The following DDAH1 variants were observed in gnomAD, a reference collection of about 807,000 sequenced individuals.
DDAH1 encodes dimethylarginine dimethylaminohydrolase 1, also known as N(G),N(G)-dimethylarginine dimethylaminohydrolase 1.
Under a neutral mutation model 28.8 loss-of-function variants are expected in DDAH1, and 19 were observed. The ratio of observed to expected loss-of-function variants is 0.66; its 90% CI spans 0.46 to 0.97. The LOEUF is 0.97. DDAH1 is among the 50% of genes least tolerant of loss of function. DDAH1 has a pLI of 0.00. For missense variants in DDAH1, 326 were observed against 375.9 expected (o/e 0.87, Z 1.10); for synonymous variants, 153 against 154.4 (o/e 0.99, Z 0.07).
intron 1 of DDAH1, among the ~76,000 whole-genome samples, chr1:85,439,548 A>G (rs1453337820): frequency 2.0e-5 from 3 of 152,248 alleles, no homozygotes; most frequent in Non-Finnish European, 2.9e-5. Flanking sequence ...TACACTATAC[A>G]TGACACTCTT....
intron 1 of DDAH1, among the ~76,000 whole-genome samples, chr1:85,505,263 G>A (rs765576798): frequency 3.8e-4 from 57 of 151,850 alleles, no homozygotes; most frequent in Non-Finnish European, 4.0e-4. Context: ...TATGATAACC[G>A]TATTATCTTT....
At chr1:85,344,170 T>G (rs1368383889) in intron 4 of DDAH1, among the ~76,000 whole-genome samples, 1 of 152,224 alleles carries the variant, frequency 6.6e-6, no homozygotes, top group Admixed American at 6.5e-5. Context: ...AGTGGTGATC[T>G]CATAATTCTT....
At position 85,487,554 on chromosome 1, in the gene DDAH1, A is replaced by C. The variant is rs1362639819; in HGVS notation, c.-7+8612T>G. On this transcript the variant is annotated intron_variant, in intron 2 of 6. Coordinates refer to the DDAH1 transcript ENST00000426972. ...AATATAATCTTATTTTTCCAAATGA[A>C]ATGTTTTTGTTATTAAATGTTTTTG... 2.3e-4 allele frequency among the ~76,000 whole-genome samples: 35 copies of C among 152,234 alleles called. 1 individual carries two copies. Among genetic ancestry groups the C allele is most frequent in the Non-Finnish European group, 1.5e-5 (1 of 68,044 alleles).
chr1:85,506,548 TC>T (rs1409467194), intron 1 of DDAH1, among the ~76,000 whole-genome samples: 1 of 152,184 alleles, frequency 6.6e-6, no homozygotes, highest in African/African-American at 2.4e-5. Flanking sequence ...GGGCTCCTGA[TC>T]CCCAGTCCAC....
At chr1:85,463,826 G>T (rs1032401060) in intron 1 of DDAH1, among the ~76,000 whole-genome samples, 1 of 152,128 alleles carries the variant, frequency 6.6e-6, no homozygotes, top group Non-Finnish European at 1.5e-5. Context: ...CTTGAGCCTG[G>T]GCTCTTAACT....
chr1:85,507,176 T>C (rs1657045814), intron 1 of DDAH1, among the ~76,000 whole-genome samples: 1 of 152,082 alleles, frequency 6.6e-6, no homozygotes, highest in Non-Finnish European at 1.5e-5. Flanking sequence ...GTTGAAATCA[T>C]TACACCTCAC....
chr1:85,464,032 T>C lies in DDAH1; in HGVS notation c.303+711A>G, dbSNP rs1427919558. Among the ~76,000 whole-genome samples, 1 of 152,210 alleles carries C rather than the reference T, an allele frequency of 6.6e-6. No individual in the cohort carries two copies. Among genetic ancestry groups the C allele is most frequent in the African/African-American group, 2.4e-5 (1 of 41,458 alleles). On this transcript the variant is annotated intron_variant, in intron 1 of 5. Transcript: ENST00000284031. This position sits in a 1 kb window ranked among gnomAD's most constrained non-coding sequence, Gnocchi z 4.4. Reference sequence around the variant, plus strand: ...GTTTAAAAATATAGAGAATAAAAATTATGGAATTTGTGAAACAACCATCTC... The same window carrying C: ...GTTTAAAAATATAGAGAATAAAAATCATGGAATTTGTGAAACAACCATCTC...
chr1:85,572,434 G>A (rs1157107861), intron 1 of DDAH1, among the ~76,000 whole-genome samples: 1 of 152,174 alleles, frequency 6.6e-6, no homozygotes, highest in Non-Finnish European at 1.5e-5. Context: ...AATGGTCTTT[G>A]AAACAGGTAT....
At chr1:85,565,788 G>T (rs1205393172) in intron 1 of DDAH1, among the ~76,000 whole-genome samples, 1 of 152,046 alleles carries the variant, frequency 6.6e-6, no homozygotes, top group Non-Finnish European at 1.5e-5. Flanking sequence ...GATGTTTAAG[G>T]CCAAAATATT....
At chr1:85,525,634 C>G (rs1271712721) in intron 1 of DDAH1, among the ~76,000 whole-genome samples, 1 of 150,680 alleles carries the variant, frequency 6.6e-6, no homozygotes, top group Non-Finnish European at 1.5e-5. Flanking sequence ...TCAGGAGGCT[C>G]TTACATCTGC....
intron 1 of DDAH1, among the ~76,000 whole-genome samples, chr1:85,423,719 T>A (rs1417311105): frequency 1.3e-5 from 2 of 152,204 alleles, no homozygotes; most frequent in African/African-American, 2.4e-5. Flanking sequence ...GATTTTCTTA[T>A]GGAGACAATC....
At chr1:85,324,300 A>AAT (rs1406146782) in intron 5 of DDAH1, among the ~76,000 whole-genome samples, 4 of 146,420 alleles carry the variant, frequency 2.7e-5, no homozygotes, top group African/African-American at 7.5e-5. Flanking sequence ...TAATAATAAT[A>AAT]AATAAAAAAA....
Position 85,544,370 on chromosome 1 carries a change from T to C in DDAH1, c.-123+33614A>G, listed in dbSNP as rs190691918. Among the ~76,000 whole-genome samples, 737 of 152,296 alleles carry C rather than the reference T, an allele frequency of 4.8e-3. 5 individuals are homozygous for C. Among genetic ancestry groups the C allele is most frequent in the African/African-American group, 0.017 (700 of 41,568 alleles). On this transcript the variant is annotated intron_variant, in intron 1 of 6. Transcript: ENST00000426972. The stretch of plus-strand genomic sequence containing the variant: ...AAATTCTTTCAGATGTTTTGGGGAA[T>C]AGTTAAAGGCACTAGATACATGAAT...
intron 2 of DDAH1, among the ~76,000 whole-genome samples, chr1:85,480,977 A>G (rs1655990300): frequency 6.6e-6 from 1 of 151,864 alleles, no homozygotes; most frequent in African/African-American, 2.4e-5. Context: ...AACTTTTGCT[A>G]TCTTTAAGAA....
chr1:85,510,336 G>A (rs907060007), intron 1 of DDAH1, among the ~76,000 whole-genome samples: 1 of 152,170 alleles, frequency 6.6e-6, no homozygotes, highest in African/African-American at 2.4e-5. Flanking sequence ...CCTTACAAGA[G>A]CTCCTGAAGG....
chr1:85,485,853 T>C (rs1469961630), intron 2 of DDAH1, among the ~76,000 whole-genome samples: 1 of 152,136 alleles, frequency 6.6e-6, no homozygotes, highest in Non-Finnish European at 1.5e-5. Flanking sequence ...TTGTTCAGAG[T>C]GAAGTGAATT....
At chr1:85,443,233 C>A (rs1654280514) in intron 1 of DDAH1, among the ~76,000 whole-genome samples, 1 of 152,152 alleles carries the variant, frequency 6.6e-6, no homozygotes, top group Non-Finnish European at 1.5e-5. Flanking sequence ...CCAGTTTCAG[C>A]TTTCTACATA....
intron 1 of DDAH1, among the ~76,000 whole-genome samples, chr1:85,444,023 T>C (rs899900280): frequency 6.6e-6 from 1 of 152,182 alleles, no homozygotes. Context: ...TCCTGCCTGA[T>C]TGTCCTGGCC....
intron 1 of DDAH1, chr1:85,404,586 G>A: frequency 7.6e-7 from 1 of 1,312,136 alleles, no homozygotes; most frequent in South Asian, 2.3e-5. Context: ...GACTCTTGTG[G>A]GAATACAGAG....
Sources: allele counts gnomAD v4.1 joint callset (sites outside exome capture counted in the v4.1 genomes callset), GRCh38; gene constraint gnomAD v4.1.1; non-coding constraint Gnocchi (gnomAD v3.1); transcripts MANE v1.5; gene names NCBI Gene and HGNC (gene_info 2026-07-23, HGNC 2026-07-21).